Variants in SHISA9 observed in about 807,000 individuals in gnomAD.
The protein encoded by SHISA9 is protein shisa-9.
SHISA9 carries 13 observed loss-of-function variants against 38.0 expected under a neutral mutation model. The observed-to-expected ratio is 0.34, with a 90% CI of 0.22 to 0.54. The LOEUF (loss-of-function observed/expected upper bound fraction) is 0.54, where lower values mean the gene tolerates loss of function less well. SHISA9 is among the 20% of genes least tolerant of loss of function. SHISA9 has a pLI of 0.91. For missense variants in SHISA9, 538 were observed against 575.8 expected (o/e 0.93, Z 0.67); for synonymous variants, 275 against 242.0 (o/e 1.14, Z -1.27).
At position 13,150,044 on chromosome 16, in the gene SHISA9, A is replaced by T. The variant is rs867894881; in HGVS notation, c.692-53350A>T. ...ATCCTCATCATTAAAAAAAAAAAAA[A>T]AAAAAAAAAAACTAGCCTGTTTTTC... On this transcript the variant is annotated intron_variant, in intron 2 of 4. Coordinates refer to ENST00000558583, the MANE Select transcript of SHISA9 (RefSeq NM_001145204.3). Among the ~76,000 whole-genome samples, 1,333 of 149,530 alleles carry T rather than the reference A, an allele frequency of 8.9e-3. 17 individuals are homozygous for T. The highest frequency in any genetic ancestry group is 0.031 in the African/African-American group (1,241 of 40,566).
chr16:13,039,536 G>C (rs2141886527), intron 2 of SHISA9, among the ~76,000 whole-genome samples: 1 of 151,018 alleles, frequency 6.6e-6, no homozygotes, highest in South Asian at 2.1e-4. Context: ...TGAGATTAAG[G>C]AGGATGACAT....
At chr16:13,084,478 C>T (rs1388502883) in intron 2 of SHISA9, among the ~76,000 whole-genome samples, 1 of 152,174 alleles carries the variant, frequency 6.6e-6, no homozygotes, top group African/African-American at 2.4e-5. Context: ...GTGAGAATGA[C>T]AGACAGGGCT....
intron 2 of SHISA9, among the ~76,000 whole-genome samples, chr16:13,066,543 T>C (rs1277278316): frequency 6.6e-6 from 1 of 152,216 alleles, no homozygotes; most frequent in Non-Finnish European, 1.5e-5. Context: ...AATGAATATA[T>C]GTATTGAATG....
Position 12,902,028 on chromosome 16 carries a change from C to A in SHISA9, c.-37C>A, listed in dbSNP as rs1398406737. ...CGAGAGGCGGCCGCAGAGGCTCCAG[C>A]GGCGGCCGAGCGGCCGAGCCCGGGC... On this transcript the variant is annotated 5_prime_UTR_variant, in exon 1 of 5. Transcript: ENST00000558583. The A allele has an allele frequency of 2.8e-6, 4 of 1,421,314 alleles. No individual in the cohort carries two copies. The highest frequency in any genetic ancestry group is 2.9e-5 in the South Asian group (2 of 69,372). 88.0% of individuals were successfully genotyped at this position (1,421,314 alleles called of 1,614,324 possible). A position where few individuals can be genotyped will look rare whatever the true frequency, so the allele number is the denominator to read the frequency against.
chr16:13,363,446 G>T, the SHISA9 span, among the ~76,000 whole-genome samples: 13 of 152,318 alleles, frequency 8.5e-5, no homozygotes, highest in Admixed American at 5.9e-4. Flanking sequence ...TAAAAATTAG[G>T]TGGTGGTGGC....
chr16:13,431,772 A>C, the SHISA9 span, among the ~76,000 whole-genome samples: 2 of 152,188 alleles, frequency 1.3e-5, no homozygotes, highest in Admixed American at 1.3e-4. Context: ...AATTTGAATA[A>C]CAAAATAGGC....
At chr16:13,344,727 G>A in the SHISA9 span, among the ~76,000 whole-genome samples, 1 of 152,098 alleles carries the variant, frequency 6.6e-6, no homozygotes, top group African/African-American at 2.4e-5. Context: ...TTTTATAGGT[G>A]GAGAAACTGA....
chr16:13,282,479 A>G, the SHISA9 span, among the ~76,000 whole-genome samples: 2 of 151,984 alleles, frequency 1.3e-5, no homozygotes, highest in Non-Finnish European at 2.9e-5. Context: ...GTGTGGTTAT[A>G]TTTATATTTA....
At chr16:13,540,080 T>C in the SHISA9 span, among the ~76,000 whole-genome samples, 1 of 152,188 alleles carries the variant, frequency 6.6e-6, no homozygotes, top group Non-Finnish European at 1.5e-5. Context: ...TATGTCTGCC[T>C]TCATGACAAA....
At chr16:13,154,812 G>A (rs916531391) in intron 2 of SHISA9, among the ~76,000 whole-genome samples, 2 of 152,202 alleles carry the variant, frequency 1.3e-5, no homozygotes, top group Non-Finnish European at 2.9e-5. Flanking sequence ...TTCCTTTGCT[G>A]TGAATCTTAA....
chr16:12,918,399 A>C (rs193160414), intron 2 of SHISA9, among the ~76,000 whole-genome samples: 2 of 152,320 alleles, frequency 1.3e-5, no homozygotes, highest in Non-Finnish European at 2.9e-5. Flanking sequence ...TGGCTGTAAA[A>C]GGTGATTGCT....
intron 2 of SHISA9, among the ~76,000 whole-genome samples, chr16:13,081,022 A>G (rs1321377725): frequency 6.6e-6 from 1 of 151,832 alleles, no homozygotes; most frequent in Non-Finnish European, 1.5e-5. Flanking sequence ...TTACCTAATT[A>G]CCTCCCCAAA....
At chr16:12,987,556 G>C (rs1302175953) in intron 2 of SHISA9, among the ~76,000 whole-genome samples, 3 of 152,106 alleles carry the variant, frequency 2.0e-5, no homozygotes, top group Admixed American at 1.3e-4. Flanking sequence ...AGAACACATG[G>C]ACATGGGGAG....
At chr16:13,216,375 G>A (rs2051169434) in intron 4 of SHISA9, among the ~76,000 whole-genome samples, 1 of 152,072 alleles carries the variant, frequency 6.6e-6, no homozygotes, top group Non-Finnish European at 1.5e-5. Flanking sequence ...TGTGAGATAA[G>A]GTGTTGAAAA....
the SHISA9 span, among the ~76,000 whole-genome samples, chr16:13,561,384 A>G: frequency 1.2e-4 from 19 of 152,278 alleles, no homozygotes; most frequent in South Asian, 2.1e-4. Context: ...ATCCATTACA[A>G]TACCCCAGAG....
chr16:13,218,644 G>C (rs1243456991), intron 4 of SHISA9, among the ~76,000 whole-genome samples: 1 of 152,196 alleles, frequency 6.6e-6, no homozygotes, highest in Non-Finnish European at 1.5e-5. Context: ...TGGAAAGAAT[G>C]ATATTGCCTG....
Position 13,235,037 on chromosome 16 carries a change from G to A in SHISA9, c.903G>A (p.Lys301=). 6.5e-7 allele frequency: 1 copy of A among 1,544,278 alleles called. No homozygotes were observed. ...ACCCGTTCCGATGTGTAGCTGACAA[G>A]GTCAATGACGACTTCTACACCAAGC... is the stretch of plus-strand genomic sequence containing the variant. ...VSTLKSPKAD[K]VNDDFYTKRR... is the part of the protein sequence containing the mutation. The change falls in exon 5 of 5, where the codon AAG becomes AAA. Residue 301 remains lysine, a synonymous_variant. Transcript: ENST00000558583.
the SHISA9 span, among the ~76,000 whole-genome samples, chr16:13,388,989 C>T: frequency 1.3e-5 from 2 of 151,992 alleles, no homozygotes; most frequent in Admixed American, 1.3e-4. Flanking sequence ...TCCCATATAC[C>T]CTCTGTCCTA....
intron 2 of SHISA9, among the ~76,000 whole-genome samples, chr16:13,093,159 G>T (rs2073792557): frequency 1.3e-5 from 2 of 152,160 alleles, no homozygotes; most frequent in South Asian, 4.1e-4. Flanking sequence ...ACATGGGGCA[G>T]CCAGTTCAAG....
Sources: allele counts gnomAD v4.1 joint callset (sites outside exome capture counted in the v4.1 genomes callset), GRCh38; gene constraint gnomAD v4.1.1; transcripts MANE v1.5; gene names NCBI Gene and HGNC (gene_info 2026-07-23, HGNC 2026-07-21).